The following RTN4IP1 variants were observed in gnomAD, a reference collection of about 807,000 sequenced individuals.
RTN4IP1 encodes reticulon 4 interacting protein 1.
A neutral mutation model predicts 46.6 loss-of-function variants in RTN4IP1; 32 were observed. The observed-to-expected ratio is 0.69, with a 90% CI of 0.52 to 0.92. The LOEUF is 0.92. Ranked by LOEUF, RTN4IP1 falls within the 40% of genes least tolerant of loss-of-function variation. The pLI is 0.00. For missense variants in RTN4IP1, 424 were observed against 485.8 expected (o/e 0.87, Z 1.20); for synonymous variants, 167 against 161.8 (o/e 1.03, Z -0.24).
intron 4 of RTN4IP1, among the ~76,000 whole-genome samples, chr6:106,613,388 T>C (rs545514923): frequency 6.6e-6 from 1 of 152,146 alleles, no homozygotes; most frequent in South Asian, 2.1e-4. Context: ...ATGTGAGTAG[T>C]GAAGGAGAAA....
In RTN4IP1 at chr6:106,622,478, G is replaced by C. The variant is rs893073083; in HGVS notation, c.426+340C>G. Among the ~76,000 whole-genome samples, 4 of 152,098 alleles carry C rather than the reference G, an allele frequency of 2.6e-5. 1 individual carries two copies. The highest frequency in any genetic ancestry group is 9.7e-5 in the African/African-American group (4 of 41,416). On this transcript the variant is annotated intron_variant, in intron 2 of 8. Transcript: ENST00000369063. ...TAGAGCAAATAACTAGGGAATGTGG[G>C]GGAGTTTATCTAAATAGTTTGTTTA... is the stretch of plus-strand genomic sequence containing the variant.
chr6:106,613,361 G>A (rs1475968760), intron 4 of RTN4IP1, among the ~76,000 whole-genome samples: 1 of 152,134 alleles, frequency 6.6e-6, no homozygotes, highest in Non-Finnish European at 1.5e-5. Context: ...GTGTATCACT[G>A]CACCCAGCAC....
rs547301251 is a variant in RTN4IP1 at position 106,577,335 on chromosome 6, C to T, written c.1084-5232G>A. On this transcript the variant is annotated intron_variant, in intron 8 of 8. Transcript: ENST00000369063. ...GTCCAAGAGGTAGTGCTGGGTAGTG[C>T]TATATGGGGGGCTGAGGTGGGAGGA... 1.8e-4 allele frequency among the ~76,000 whole-genome samples: 27 copies of T among 146,618 alleles called. No individual in the cohort carries two copies. In the Admixed American group the frequency reaches 1.9e-3, roughly 10 times the overall value.
At chr6:106,588,739 G>A (rs1182803950) in intron 6 of RTN4IP1, among the ~76,000 whole-genome samples, 1 of 152,148 alleles carries the variant, frequency 6.6e-6, no homozygotes, top group African/African-American at 2.4e-5. Flanking sequence ...AAATTCATCT[G>A]GATGATGTCA....
Position 106,624,499 on chromosome 6 carries a change from G to A in RTN4IP1, c.275-1530C>T, listed in dbSNP as rs112855056. On this transcript the variant is annotated intron_variant, in intron 1 of 8. Transcript: ENST00000369063. ...GGAGTAGTTGGGATTACAGGTGTGC[G>A]CCACGTCTGGCTAATTTTGTAGAAA... Among the ~76,000 whole-genome samples the A allele has an allele frequency of 3.4e-3, 521 of 151,674 alleles. 5 individuals carry two copies. The highest frequency in any genetic ancestry group is 0.012 in the African/African-American group (477 of 41,372).
chr6:106,612,544 T>C (rs1247534330), intron 4 of RTN4IP1, among the ~76,000 whole-genome samples: 1 of 152,172 alleles, frequency 6.6e-6, no homozygotes, highest in Admixed American at 6.6e-5. Context: ...ATATTTTGCA[T>C]AGACATGTTA....
upstream of RTN4IP1, chr6:106,629,504 C>T (rs1160569487): frequency 1.4e-5 from 12 of 855,000 alleles, no homozygotes; most frequent in Non-Finnish European, 1.9e-5. Flanking sequence ...TTTGCGGCGC[C>T]AACCAATCGC....
chr6:106,619,606 ATTTTTTTTTTTT>A (rs869120910), intron 3 of RTN4IP1, among the ~76,000 whole-genome samples: 4 of 110,472 alleles, frequency 3.6e-5, no homozygotes, highest in Non-Finnish European at 7.1e-5. Context: ...ACTTTTCTTC[ATTTTTTTTTTTT>A]TTTTTTTTTT....
At chr6:106,591,022 C>T (rs1350331132) in intron 6 of RTN4IP1, among the ~76,000 whole-genome samples, 1 of 152,272 alleles carries the variant, frequency 6.6e-6, no homozygotes, top group East Asian at 1.9e-4. Flanking sequence ...TACACTCTTC[C>T]AGCTGGAGGG....
rs1220426111 is a variant in RTN4IP1 at position 106,570,781 on chromosome 6, G to A, written c.*1215C>T. On this transcript the variant is annotated 3_prime_UTR_variant, in exon 9 of 9. Transcript: ENST00000369063. Reference sequence around the variant, plus strand: ...ATTTTTTTTTCTTTTGCAATAACTCGGTAGTAAGACCAGACCAACAATTTT... The same window carrying A: ...ATTTTTTTTTCTTTTGCAATAACTCAGTAGTAAGACCAGACCAACAATTTT... The A allele has an allele frequency of 6.6e-6, 1 of 151,880 alleles. No homozygotes were observed. 9.4% of individuals were successfully genotyped at this position (151,880 alleles called of 1,614,324 possible). A position where few individuals can be genotyped will look rare whatever the true frequency, so the allele number is the denominator to read the frequency against.
At chr6:106,614,244 C>T (rs1004319081) in intron 4 of RTN4IP1, among the ~76,000 whole-genome samples, 1 of 152,102 alleles carries the variant, frequency 6.6e-6, no homozygotes, top group Non-Finnish European at 1.5e-5. Context: ...TTACATGACA[C>T]GAACAATAAT....
At chr6:106,630,142 C>G (rs550627918), upstream of RTN4IP1, among the ~76,000 whole-genome samples, 73 of 152,288 alleles carry the variant, frequency 4.8e-4, no homozygotes, top group Non-Finnish European at 8.7e-4. Flanking sequence ...AGAATTCGTT[C>G]TCTAGGATTT....
rs369571442 is a variant in RTN4IP1, at chr6:106,594,562, A to C, written c.670-2262T>G. On this transcript the variant is annotated intron_variant, in intron 5 of 8. Coordinates refer to ENST00000369063, the MANE Select transcript of RTN4IP1 (RefSeq NM_032730.5). ...AAGAAAGAAAACAGCTATAGGGTGA[A>C]CACCACCCAGATAAAGCAGCAGCAC... 5.5e-4 allele frequency among the ~76,000 whole-genome samples: 83 copies of C among 152,206 alleles called. 1 individual carries two copies. The highest frequency in any genetic ancestry group is 1.9e-3 in the African/African-American group (77 of 41,540).
At chr6:106,591,402 G>A (rs1334568912) in intron 6 of RTN4IP1, among the ~76,000 whole-genome samples, 2 of 152,086 alleles carry the variant, frequency 1.3e-5, no homozygotes, top group African/African-American at 4.8e-5. Flanking sequence ...AGGCTGGGCG[G>A]TGTCAGATAA....
At chr6:106,607,713 A>G (rs1004810479) in intron 4 of RTN4IP1, 1 of 152,206 alleles carries the variant, frequency 6.6e-6, no homozygotes, top group African/African-American at 2.4e-5. Context: ...AAGACAAAAA[A>G]CAGGGCTTAC....
chr6:106,576,677 A>G (rs1457239560), intron 8 of RTN4IP1, among the ~76,000 whole-genome samples: 1 of 152,256 alleles, frequency 6.6e-6, no homozygotes, highest in Admixed American at 6.5e-5. Context: ...AGTGTCCAAT[A>G]TGGTAGCCTC....
At position 106,593,316 on chromosome 6, in the gene RTN4IP1, G is replaced by A. The variant is rs184920520; in HGVS notation, c.670-1016C>T. ...TAACTAGATTTAAATTAAAAGGAGAGCTAAATTCTAATGTTATTCAGAATT... is the reference window on the plus strand; with the variant it reads ...TAACTAGATTTAAATTAAAAGGAGAACTAAATTCTAATGTTATTCAGAATT... On this transcript the variant is annotated intron_variant, in intron 5 of 8. Coordinates refer to ENST00000369063, the MANE Select transcript of RTN4IP1 (RefSeq NM_032730.5). Among the ~76,000 whole-genome samples, 348 of 152,202 alleles carry A rather than the reference G, an allele frequency of 2.3e-3. 4 individuals carry two copies. Among genetic ancestry groups the A allele is most frequent in the Non-Finnish European group, 4.6e-4 (31 of 68,006 alleles).
At chr6:106,576,546 A>T (rs1775232166) in intron 8 of RTN4IP1, among the ~76,000 whole-genome samples, 1 of 152,210 alleles carries the variant, frequency 6.6e-6, no homozygotes, top group Non-Finnish European at 1.5e-5. Flanking sequence ...AGCAAAATCC[A>T]GTGGCAATAA....
intron 5 of RTN4IP1, among the ~76,000 whole-genome samples, chr6:106,597,663 A>G (rs1775830557): frequency 6.7e-6 from 1 of 148,588 alleles, no homozygotes; most frequent in South Asian, 2.2e-4. Context: ...TTTCTTTTGT[A>G]ATTTGAATTT....
Sources: gnomAD v4.1 joint callset for allele counts (sites outside exome capture counted in the v4.1 genomes callset) on GRCh38, gnomAD v4.1.1 for gene constraint, MANE v1.5 for transcripts, NCBI Gene and HGNC (gene_info 2026-07-23, HGNC 2026-07-21) for gene names.